The following DPP6 variants were observed in gnomAD, a reference collection of about 807,000 sequenced individuals.
The protein encoded by DPP6 is A-type potassium channel modulatory protein DPP6.
Under a neutral mutation model 122.6 loss-of-function variants are expected in DPP6, and 69 were observed. The observed-to-expected ratio is 0.56, with a 90% CI of 0.46 to 0.69. DPP6 has a LOEUF of 0.69. Among genes scored for constraint, DPP6 ranks in the 30% least tolerant of loss-of-function variants. The pLI is 0.00. For synonymous variants in DPP6, 418 were observed against 433.1 expected, an observed-to-expected ratio of 0.97 and a Z score of 0.43; for missense variants, 928 against 1,116.9, an observed-to-expected ratio of 0.83 and a Z score of 2.41.
intron 1 of DPP6, among the ~76,000 whole-genome samples, chr7:154,207,832 G>A (rs373471756): frequency 3.3e-5 from 5 of 152,136 alleles, no homozygotes; most frequent in Non-Finnish European, 5.9e-5. Context: ...GCGCAGGCCT[G>A]TAATCCCAGC....
chr7:154,425,629 T>G (rs12703352), intron 1 of DPP6, among the ~76,000 whole-genome samples: 8,441 of 50,494 alleles, frequency 0.17, 307 homozygotes, highest in South Asian at 0.29. Context: ...TGGGTGTGTG[T>G]GTGTGTGTGT....
At chr7:154,040,776 T>C (rs1585215451) in intron 1 of DPP6, among the ~76,000 whole-genome samples, 2 of 152,182 alleles carry the variant, frequency 1.3e-5, no homozygotes, top group East Asian at 3.9e-4. Flanking sequence ...TTAACTGTGA[T>C]TCTTATTCTG....
intron 1 of DPP6, among the ~76,000 whole-genome samples, chr7:154,361,242 T>G (rs1458716887): frequency 6.6e-6 from 1 of 152,108 alleles, no homozygotes; most frequent in Non-Finnish European, 1.5e-5. Context: ...AAGATTGATT[T>G]CTAGTGACAA....
intron 7 of DPP6, among the ~76,000 whole-genome samples, chr7:154,673,216 A>G (rs1193899636): frequency 6.6e-6 from 1 of 152,244 alleles, no homozygotes; most frequent in Non-Finnish European, 1.5e-5. Context: ...TACTCTAATT[A>G]TAATGAGTCA....
chr7:154,832,125 G>T (rs1168654745), intron 16 of DPP6, among the ~76,000 whole-genome samples: 1 of 152,206 alleles, frequency 6.6e-6, no homozygotes, highest in African/African-American at 2.4e-5. Flanking sequence ...AACAGGTTAT[G>T]ACTCTTCTTT....
At chr7:154,640,061 A>G (rs558171473) in intron 6 of DPP6, among the ~76,000 whole-genome samples, 248 of 152,218 alleles carry the variant, frequency 1.6e-3, no homozygotes, top group Non-Finnish European at 2.9e-3. Context: ...AGACCAGCCT[A>G]GCCAACATGG....
At chr7:154,266,172 G>T (rs1430258195) in intron 1 of DPP6, among the ~76,000 whole-genome samples, 2 of 152,138 alleles carry the variant, frequency 1.3e-5, no homozygotes, top group East Asian at 3.8e-4. Context: ...ATCAGACTGG[G>T]AACTCCTCCA....
At chr7:154,095,415 C>T (rs1205431216) in intron 1 of DPP6, 4 of 142,170 alleles carry the variant, frequency 2.8e-5, no homozygotes, top group Admixed American at 7.3e-5. Context: ...GAACGTTTCC[C>T]GCAGGGGGCG....
the DPP6 span, among the ~76,000 whole-genome samples, chr7:153,778,006 C>A: frequency 6.8e-6 from 1 of 147,558 alleles, no homozygotes; most frequent in Non-Finnish European, 1.5e-5. Context: ...GGGACAGGAA[C>A]AAACCAGTTA....
At chr7:153,873,871 C>T in the DPP6 span, among the ~76,000 whole-genome samples, 1 of 152,146 alleles carries the variant, frequency 6.6e-6, no homozygotes, top group Non-Finnish European at 1.5e-5. Context: ...CACTCATTTG[C>T]ACAAGGCAGC....
At chr7:154,072,747 G>A (rs1325508253) in intron 1 of DPP6, among the ~76,000 whole-genome samples, 2 of 152,262 alleles carry the variant, frequency 1.3e-5, no homozygotes, top group Non-Finnish European at 2.9e-5. Context: ...TTGTTTGGGG[G>A]ACTTGTCCCA....
At chr7:154,873,085 G>A (rs1490952493) in intron 19 of DPP6, among the ~76,000 whole-genome samples, 2 of 152,258 alleles carry the variant, frequency 1.3e-5, no homozygotes, top group Non-Finnish European at 2.9e-5. Flanking sequence ...TCACTGGCTG[G>A]CATTTCTGGC....
Position 154,742,130 on chromosome 7 carries a change from G to A in DPP6, c.883+14243G>A, listed in dbSNP as rs191399296. ...GGCAGGGAGGGAAGGAGATGAAGGA[G>A]GTCCAAGACAGGGACCCTTCCCTTG... is the stretch of plus-strand genomic sequence containing the variant. On this transcript the variant is annotated intron_variant, in intron 8 of 25. Coordinates refer to ENST00000377770, the MANE Select transcript of DPP6 (RefSeq NM_130797.4). Among the ~76,000 whole-genome samples the A allele has an allele frequency of 9.9e-5, 15 of 152,274 alleles. No homozygotes were observed. The East Asian group carries it at 2.1e-3, about 22-fold the overall frequency.
chr7:154,818,068 C>T (rs186596995), intron 16 of DPP6, among the ~76,000 whole-genome samples: 1 of 152,230 alleles, frequency 6.6e-6, no homozygotes, highest in African/African-American at 2.4e-5. Flanking sequence ...TAAAACTCAC[C>T]TTGTACTGCA....
At chr7:153,923,439 C>T (rs1252089622) in intron 1 of DPP6, among the ~76,000 whole-genome samples, 1 of 152,064 alleles carries the variant, frequency 6.6e-6, no homozygotes, top group Non-Finnish European at 1.5e-5. Flanking sequence ...GTTCAGAAGT[C>T]CAAGGAGGCA....
At chr7:154,575,362 GTGATGTGTGTGTATGTGTGTGAT>G (rs1831529733) in intron 5 of DPP6, among the ~76,000 whole-genome samples, 1 of 108,234 alleles carries the variant, frequency 9.2e-6, no homozygotes, top group Non-Finnish European at 1.9e-5. Flanking sequence ...TGGTGTGTGT[GTGATGTGTGTGTATGTGTGTGAT>G]GTGTGTGTAG....
At chr7:154,112,071 G>C (rs558963033) in intron 1 of DPP6, among the ~76,000 whole-genome samples, 6 of 152,108 alleles carry the variant, frequency 3.9e-5, no homozygotes, top group Admixed American at 2.0e-4. Flanking sequence ...AGTGGATCAC[G>C]AAGGGTAGGA....
intron 5 of DPP6, among the ~76,000 whole-genome samples, chr7:154,568,611 GA>G (rs1196135941): frequency 6.6e-6 from 1 of 152,166 alleles, no homozygotes; most frequent in Non-Finnish European, 1.5e-5. Flanking sequence ...GCTCTGTTTG[GA>G]AGAGTGCCCT....
chr7:154,245,917 A>G (rs901144612), intron 1 of DPP6, among the ~76,000 whole-genome samples: 4 of 152,176 alleles, frequency 2.6e-5, no homozygotes, highest in African/African-American at 9.6e-5. Flanking sequence ...TAGAATAAAG[A>G]ACATAGTCAT....
Sources: gnomAD v4.1 joint callset for allele counts (sites outside exome capture counted in the v4.1 genomes callset) on GRCh38, gnomAD v4.1.1 for gene constraint, MANE v1.5 for transcripts, NCBI Gene and HGNC (gene_info 2026-07-23, HGNC 2026-07-21) for gene names.